The following ANO3 variants were observed in gnomAD, a reference collection of about 807,000 sequenced individuals.
The protein encoded by ANO3 is anoctamin 3.
A neutral mutation model predicts 144.8 loss-of-function variants in ANO3; 99 were observed. That is an observed-to-expected ratio of 0.68 (90% confidence interval 0.58 to 0.81). The LOEUF (loss-of-function observed/expected upper bound fraction) is 0.81. ANO3 is among the 30% of genes least tolerant of loss of function. ANO3 has a pLI of 0.00. For missense variants in ANO3, 905 were observed against 1,202.2 expected (o/e 0.75, Z 3.66); for synonymous variants, 414 against 392.6 (o/e 1.05, Z -0.64).
chr11:26,450,995 C>T (rs1421922349), intron 3 of ANO3, among the ~76,000 whole-genome samples: 1 of 152,134 alleles, frequency 6.6e-6, no homozygotes, highest in African/African-American at 2.4e-5. Flanking sequence ...TGAACTGATG[C>T]TTACATGCAA....
At chr11:26,533,126 T>G (rs2134187830) in intron 8 of ANO3, among the ~76,000 whole-genome samples, 1 of 152,202 alleles carries the variant, frequency 6.6e-6, no homozygotes, top group Admixed American at 6.5e-5. Context: ...CATGTGCATA[T>G]TAACTTAAAT....
Position 26,283,366 on chromosome 11 carries a change from A to ATG in ANO3, c.155-26279_155-26278insTG, listed in dbSNP as rs1263543417. Among the ~76,000 whole-genome samples the ATG allele has an allele frequency of 7.7e-5, 9 of 117,596 alleles. 1 individual carries two copies. Among genetic ancestry groups the ATG allele is most frequent in the Admixed American group, 1.8e-4 (2 of 11,120 alleles). 77.1% of individuals were successfully genotyped at this position (117,596 alleles called of 152,430 possible). A position where few individuals can be genotyped will look rare whatever the true frequency, so the allele number is the denominator to read the frequency against. ...TATATATATATATATATATATATAT[A>ATG]GCGAGCATTTTTTCTGTTCTTAGAA... On this transcript the variant is annotated intron_variant, in intron 1 of 27. Coordinates refer to the ANO3 transcript ENST00000672621.
At chr11:26,527,893 C>T (rs1849206310) in intron 7 of ANO3, among the ~76,000 whole-genome samples, 1 of 152,194 alleles carries the variant, frequency 6.6e-6, no homozygotes. Flanking sequence ...TTATCATCCC[C>T]ACCCACACAC....
intron 3 of ANO3, among the ~76,000 whole-genome samples, chr11:26,459,107 C>T (rs911313731): frequency 2.6e-5 from 4 of 152,022 alleles, no homozygotes; most frequent in Non-Finnish European, 4.4e-5. Flanking sequence ...ACAGTGAGAA[C>T]ATACTTTACA....
chr11:26,228,857 C>T lies in ANO3; in HGVS notation c.154+39527C>T, dbSNP rs1033042980. Among the ~76,000 whole-genome samples, 6 of 152,070 alleles carry T rather than the reference C, an allele frequency of 3.9e-5. No homozygotes were observed. In the East Asian group the frequency reaches 5.8e-4, roughly 15 times the overall value. ...CCAATAGATAGCACTTGGTGGGAGA[C>T]GGTTGTGAATCATTTGCCAAAACAA... is the stretch of plus-strand genomic sequence containing the variant. On this transcript the variant is annotated intron_variant, in intron 1 of 27. Coordinates refer to the ANO3 transcript ENST00000672621.
intron 1 of ANO3, among the ~76,000 whole-genome samples, chr11:26,321,773 T>C (rs1854767328): frequency 6.6e-6 from 1 of 152,050 alleles, no homozygotes; most frequent in Admixed American, 6.6e-5. Flanking sequence ...TAGTTTCACT[T>C]GCAGTCCTAT....
At chr11:26,460,657 C>G (rs950582994) in intron 3 of ANO3, among the ~76,000 whole-genome samples, 3 of 151,646 alleles carry the variant, frequency 2.0e-5, no homozygotes, top group Non-Finnish European at 4.4e-5. Flanking sequence ...CAAGATGATG[C>G]TGTGTATTTC....
intron 1 of ANO3, among the ~76,000 whole-genome samples, chr11:26,269,664 C>A (rs1034288889): frequency 1.3e-5 from 2 of 151,708 alleles, no homozygotes; most frequent in Non-Finnish European, 2.9e-5. Flanking sequence ...TCTCAGTCAT[C>A]ATCCGGTGCT....
intron 1 of ANO3, among the ~76,000 whole-genome samples, chr11:26,312,054 G>A (rs1191509583): frequency 1.3e-5 from 2 of 152,030 alleles, no homozygotes; most frequent in Non-Finnish European, 2.9e-5. Flanking sequence ...CGGTGTCCAA[G>A]TATTCTCACA....
chr11:26,419,745 T>C (rs1354126260), intron 1 of ANO3, among the ~76,000 whole-genome samples: 1 of 152,092 alleles, frequency 6.6e-6, no homozygotes. Context: ...AGAGAACATA[T>C]AGCAAGGAAA....
At chr11:26,235,918 A>G (rs528870641) in intron 1 of ANO3, among the ~76,000 whole-genome samples, 5 of 152,176 alleles carry the variant, frequency 3.3e-5, no homozygotes, top group South Asian at 2.1e-4. Context: ...GATCTCACAC[A>G]TCTCTTGAAA....
chr11:26,539,608 T>A (rs1849595264), intron 10 of ANO3, among the ~76,000 whole-genome samples: 1 of 152,132 alleles, frequency 6.6e-6, no homozygotes, highest in South Asian at 2.1e-4. Flanking sequence ...AGGAGTGGCA[T>A]CCACATGTCT....
At chr11:26,274,373 C>T (rs1853513434) in intron 1 of ANO3, among the ~76,000 whole-genome samples, 1 of 152,036 alleles carries the variant, frequency 6.6e-6, no homozygotes, top group African/African-American at 2.4e-5. Context: ...CATATAAATG[C>T]ATCATAACTT....
intron 1 of ANO3, among the ~76,000 whole-genome samples, chr11:26,352,763 G>A (rs1379092894): frequency 1.3e-5 from 2 of 152,086 alleles, no homozygotes; most frequent in East Asian, 1.9e-4. Context: ...TATTTTGTAG[G>A]TATGTATTCT....
rs199734388 is a variant in ANO3, at chr11:26,553,234, TTG to T, written c.1290-13_1290-12del. 2.5e-3 allele frequency: 3,196 copies of T among 1,293,574 alleles called. 53 individuals carry two copies. Among genetic ancestry groups the T allele is most frequent in the East Asian group, 4.0e-3 (152 of 37,580 alleles). 80.1% of individuals were successfully genotyped at this position (1,293,574 alleles called of 1,614,324 possible). ...GCTATGTTTTGTTTTGTTTTTGTTT[TTG>T]TTTTTTCTCAAGCCAAGAAATTTGT... On this transcript the variant is annotated splice_polypyrimidine_tract_variant and intron_variant, in intron 12 of 26. Transcript: ENST00000256737.
At chr11:26,597,889 G>A (rs1851682595) in intron 14 of ANO3, among the ~76,000 whole-genome samples, 1 of 152,026 alleles carries the variant, frequency 6.6e-6, no homozygotes, top group Non-Finnish European at 1.5e-5. Context: ...TATGAATTTG[G>A]GAGTTTCTTC....
At chr11:26,358,571 CAATTAT>C (rs1203424818) in intron 1 of ANO3, among the ~76,000 whole-genome samples, 6 of 152,030 alleles carry the variant, frequency 3.9e-5, no homozygotes, top group Admixed American at 2.6e-4. Flanking sequence ...TTTTTACTTA[CAATTAT>C]ATTTTTTACT....
chr11:26,322,845 G>T (rs1197908901), intron 1 of ANO3, among the ~76,000 whole-genome samples: 1 of 152,092 alleles, frequency 6.6e-6, no homozygotes, highest in Non-Finnish European at 1.5e-5. Context: ...AGGGAGTTAT[G>T]CTTCTCCTCT....
intron 1 of ANO3, among the ~76,000 whole-genome samples, chr11:26,378,720 CT>C (rs1327086495): frequency 1.3e-5 from 2 of 151,892 alleles, no homozygotes; most frequent in Non-Finnish European, 1.5e-5. Flanking sequence ...CCAGTAAAGG[CT>C]GATGATATGA....
Sources: gnomAD v4.1 joint callset for allele counts (sites outside exome capture counted in the v4.1 genomes callset) on GRCh38, gnomAD v4.1.1 for gene constraint, MANE v1.5 for transcripts, NCBI Gene and HGNC (gene_info 2026-07-23, HGNC 2026-07-21) for gene names.